Variants in DGCR2 observed in about 807,000 individuals in gnomAD.
DGCR2 encodes integral membrane protein DGCR2/IDD.
A neutral mutation model predicts 51.6 loss-of-function variants in DGCR2; 24 were observed. That is an observed-to-expected ratio of 0.47 (90% CI 0.34 to 0.65). The LOEUF (loss-of-function observed/expected upper bound fraction) is 0.65. DGCR2 is among the 30% of genes least tolerant of loss of function. The pLI is 0.01. For missense variants in DGCR2, 765 were observed against 772.1 expected, an observed-to-expected ratio of 0.99 and a Z score of 0.11; for synonymous variants, 340 against 315.4, an observed-to-expected ratio of 1.08 and a Z score of -0.82.
intron 5 of DGCR2, among the ~76,000 whole-genome samples, chr22:19,058,702 C>G (rs553968090): frequency 6.6e-6 from 1 of 152,244 alleles, no homozygotes; most frequent in Non-Finnish European, 1.5e-5. Context: ...AACTACAGTA[C>G]ATGACAGCAG....
intron 5 of DGCR2, 58 bp downstream of exon 5, chr22:19,063,144 C>T: frequency 2.0e-6 from 3 of 1,525,678 alleles, no homozygotes; most frequent in Non-Finnish European, 2.7e-6. Context: ...GAGGGGAGGC[C>T]CCGAATCAGG....
intron 1 of DGCR2, among the ~76,000 whole-genome samples, chr22:19,103,568 T>C (rs1320122085): frequency 1.3e-5 from 2 of 149,390 alleles, no homozygotes; most frequent in Non-Finnish European, 3.0e-5. Context: ...GTAGCTGAGA[T>C]TAGGCGCGCA....
At chr22:19,076,748 T>TG (rs869308153) in intron 2 of DGCR2, among the ~76,000 whole-genome samples, 1 of 140,958 alleles carries the variant, frequency 7.1e-6, no homozygotes, top group Non-Finnish European at 1.5e-5. Context: ...TTTTTTTTTT[T>TG]GAGATGGAGT....
At chr22:19,103,413 G>GTTTT (rs1323487473) in intron 1 of DGCR2, among the ~76,000 whole-genome samples, 2 of 87,568 alleles carry the variant, frequency 2.3e-5, no homozygotes, top group South Asian at 4.6e-4. Context: ...AATAAAAAAA[G>GTTTT]TTCTTTTTTT....
chr22:19,075,781 C>CTTT (rs1430674014), intron 2 of DGCR2, among the ~76,000 whole-genome samples: 1 of 152,138 alleles, frequency 6.6e-6, no homozygotes, highest in Admixed American at 6.5e-5. Context: ...TAAGGTAAAC[C>CTTT]ATATTCCACT....
chr22:19,090,584 T>C (rs1217392473), intron 1 of DGCR2, among the ~76,000 whole-genome samples: 1 of 152,226 alleles, frequency 6.6e-6, no homozygotes, highest in Non-Finnish European at 1.5e-5. Context: ...AGATACTGTA[T>C]TGTGCAGTTT....
chr22:19,103,413 GTTCT>G (rs1482632719), intron 1 of DGCR2, among the ~76,000 whole-genome samples: 1 of 87,568 alleles, frequency 1.1e-5, no homozygotes, highest in Non-Finnish European at 2.4e-5. Context: ...AATAAAAAAA[GTTCT>G]TTTTTTTTTT....
intron 1 of DGCR2, among the ~76,000 whole-genome samples, chr22:19,121,237 A>C (rs1028045902): frequency 1.3e-5 from 2 of 152,194 alleles, no homozygotes; most frequent in Non-Finnish European, 2.9e-5. Flanking sequence ...TATAAAGATG[A>C]CTGTATTAAT....
intron 6 of DGCR2, among the ~76,000 whole-genome samples, chr22:19,055,226 T>C (rs571476513): frequency 1.3e-5 from 2 of 152,060 alleles, no homozygotes; most frequent in Non-Finnish European, 2.9e-5. Flanking sequence ...AGAAAATCCA[T>C]TTATATGAAA....
In DGCR2 at chr22:19,068,243, T is replaced by A; in HGVS notation, c.203-18A>T. On this transcript the variant is annotated intron_variant, in intron 2 of 9. Transcript: ENST00000263196. ...GGTCACTTCTGAAAGCAAAAGGAGA[T>A]GTGTGCTGTGAGTCCTGCCTGTGCA... is the stretch of plus-strand genomic sequence containing the variant. The A allele has an allele frequency of 6.3e-7, 1 of 1,576,820 alleles. No homozygotes were observed. Among genetic ancestry groups the A allele is most frequent in the Non-Finnish European group, 8.6e-7 (1 of 1,160,406 alleles).
At chr22:19,050,824 T>C (rs1036435900) in intron 6 of DGCR2, among the ~76,000 whole-genome samples, 1 of 152,128 alleles carries the variant, frequency 6.6e-6, no homozygotes, top group Non-Finnish European at 1.5e-5. Context: ...ATGATTAAAA[T>C]TTTAGGAAAA....
intron 1 of DGCR2, among the ~76,000 whole-genome samples, chr22:19,093,409 C>G (rs1156308128): frequency 1.3e-5 from 2 of 150,256 alleles, no homozygotes; most frequent in Non-Finnish European, 3.0e-5. Flanking sequence ...ACAGGTGAAG[C>G]CTAAAACTAT....
chr22:19,069,172 C>T (rs944927157), intron 2 of DGCR2, among the ~76,000 whole-genome samples: 10 of 152,228 alleles, frequency 6.6e-5, no homozygotes, highest in African/African-American at 2.2e-4. Context: ...CACAGACAGA[C>T]GCCTGCCAGC....
At chr22:19,056,556 A>AT (rs1165329754) in intron 6 of DGCR2, 4 of 308,088 alleles carry the variant, frequency 1.3e-5, no homozygotes, top group Admixed American at 6.6e-5. Flanking sequence ...GGCTTTAATA[A>AT]AAAAAAAAAA....
chr22:19,042,451 C>T (rs568239413), intron 7 of DGCR2, among the ~76,000 whole-genome samples: 76 of 152,334 alleles, frequency 5.0e-4, no homozygotes, highest in African/African-American at 1.5e-3. Context: ...AGTTGCCCAG[C>T]AAGAATGAGC....
rs2082610554 is a variant in DGCR2, at chr22:19,056,967, C to T, written c.802+19G>A. On this transcript the variant is annotated intron_variant, in intron 6 of 9. Coordinates refer to ENST00000263196, the MANE Select transcript of DGCR2 (RefSeq NM_005137.3). ...AGGGCCCAGACATTCCCCAAGAACG[C>T]CAGCTCAAGGGGGCTTACTTCTTTT... 2.6e-6 allele frequency: 4 copies of T among 1,555,440 alleles called. No individual in the cohort carries two copies. Among genetic ancestry groups the T allele is most frequent in the Non-Finnish European group, 2.6e-6 (3 of 1,148,738 alleles).
intron 2 of DGCR2, among the ~76,000 whole-genome samples, chr22:19,077,888 G>C (rs1259083268): frequency 6.6e-6 from 1 of 151,652 alleles, no homozygotes; most frequent in Admixed American, 6.6e-5. Flanking sequence ...GAGTGCAGTG[G>C]TGCGATCTCA....
At chr22:19,063,307 T>C in intron 4 of DGCR2, 29 bp from the exon 5 acceptor site, 59 of 1,552,486 alleles carry the variant, frequency 3.8e-5, no homozygotes, top group Non-Finnish European at 5.1e-5. Context: ...GAGACAGAGA[T>C]CTCAGCGGCA....
In DGCR2 at chr22:19,041,242, G is replaced by A. The variant is rs774690663; in HGVS notation, c.1212C>T (p.Asp404=). The A allele has an allele frequency of 1.3e-5, 21 of 1,614,108 alleles. No homozygotes were observed. The highest frequency in any genetic ancestry group is 6.7e-5 in the East Asian group (3 of 44,872). ...GCGGCGTGAGGCCCGTGCCAAACCCGTCTGGGCCGTAATCAAAGCCAGGGA... is the reference window on the plus strand; with the variant it reads ...GCGGCGTGAGGCCCGTGCCAAACCCATCTGGGCCGTAATCAAAGCCAGGGA... ...RRIPGFDYGP[D]GFGTGLTPLH... The change falls in exon 9 of 10, where the codon GAC becomes GAT. Residue 404 remains aspartate (D), a synonymous_variant. Coordinates refer to ENST00000263196, the MANE Select transcript of DGCR2 (RefSeq NM_005137.3).
Sources: allele counts gnomAD v4.1 joint callset (sites outside exome capture counted in the v4.1 genomes callset), GRCh38; gene constraint gnomAD v4.1.1; transcripts MANE v1.5; gene names NCBI Gene and HGNC (gene_info 2026-07-23, HGNC 2026-07-21).